The following ELAVL4 variants were observed in gnomAD, a reference collection of about 807,000 sequenced individuals.
ELAVL4 encodes the protein ELAV like RNA binding protein 4, also known as ELAV-like protein 4.
Under a neutral mutation model 35.6 loss-of-function variants are expected in ELAVL4, and 1 was observed. The observed-to-expected ratio is 0.03, with a 90% CI of 0.01 to 0.13. The LOEUF (loss-of-function observed/expected upper bound fraction) is 0.13, where lower values mean the gene tolerates loss of function less well. Among genes scored for constraint, ELAVL4 ranks in the 10% least tolerant of loss-of-function variants. The probability of loss-of-function intolerance (pLI) is 1.00; values close to 1 mark genes in which losing one functional copy is unlikely to be tolerated. For missense variants in ELAVL4, 267 were observed against 464.9 expected (o/e 0.57, Z 3.91); for synonymous variants, 156 against 171.0 (o/e 0.91, Z 0.69).
chr1:50,133,623 GAAAGAAAGAAAGAAAGAAA>G lies in ELAVL4; in HGVS notation c.10-11333_10-11315del, dbSNP rs538068845. 3.2e-4 allele frequency among the ~76,000 whole-genome samples: 47 copies of G among 148,370 alleles called. No homozygotes were observed. In the South Asian group the frequency reaches 7.3e-3, roughly 23 times the overall value. ...GAAAAGAAAGAAAGAAAGAAAGAAAGAAAGAAAGAAAGAAAGAAAGAAAGAAAGAGAAAGAAAGAAAGAA... is the reference window on the plus strand; with the variant it reads ...GAAAAGAAAGAAAGAAAGAAAGAAAGGAAAGAAAGAGAAAGAAAGAAAGAA... On this transcript the variant is annotated intron_variant, in intron 1 of 6. Coordinates refer to ENST00000371824, the MANE Select transcript of ELAVL4 (RefSeq NM_001144774.3).
At chr1:50,139,289 CA>C (rs1443914122) in intron 1 of ELAVL4, among the ~76,000 whole-genome samples, 1 of 152,148 alleles carries the variant, frequency 6.6e-6, no homozygotes, top group Admixed American at 6.5e-5. Context: ...CTGTAATAAA[CA>C]AAACAGATGT....
intron 2 of ELAVL4, among the ~76,000 whole-genome samples, chr1:50,151,741 C>T (rs929212348): frequency 2.6e-5 from 4 of 152,106 alleles, no homozygotes; most frequent in African/African-American, 9.7e-5. Context: ...CAGGCAGATT[C>T]GCATCTGTCA....
At chr1:50,083,798 G>A (rs1193607338) in intron 1 of ELAVL4, among the ~76,000 whole-genome samples, 1 of 152,186 alleles carries the variant, frequency 6.6e-6, no homozygotes. Flanking sequence ...ATTGTTTTAG[G>A]ACCACACTGG....
intron 3 of ELAVL4, chr1:50,181,096 A>G (rs909998176): frequency 6.6e-6 from 1 of 152,196 alleles, no homozygotes; most frequent in Non-Finnish European, 1.5e-5. Flanking sequence ...CCAGGATGAC[A>G]CAATTGATAA....
intron 1 of ELAVL4, among the ~76,000 whole-genome samples, chr1:50,069,753 C>A (rs1318182695): frequency 6.6e-6 from 1 of 152,236 alleles, no homozygotes; most frequent in African/African-American, 2.4e-5. Context: ...TACAAATTCT[C>A]TTATTAAGCC....
upstream of ELAVL4, among the ~76,000 whole-genome samples, chr1:50,107,509 A>G (rs1666434168): frequency 2.0e-5 from 3 of 152,284 alleles, no homozygotes; most frequent in Non-Finnish European, 4.4e-5. Context: ...TTAATCTTGA[A>G]AAATGTAAGG....
chr1:50,144,284 G>A (rs1307911044), intron 1 of ELAVL4, among the ~76,000 whole-genome samples: 2 of 151,982 alleles, frequency 1.3e-5, no homozygotes, highest in Non-Finnish European at 2.9e-5. Context: ...TGGACCTAAC[G>A]TGGAGACCTA....
intron 3 of ELAVL4, among the ~76,000 whole-genome samples, chr1:50,193,429 A>G (rs1305271369): frequency 6.6e-6 from 1 of 151,226 alleles, no homozygotes; most frequent in Non-Finnish European, 1.5e-5. Context: ...AATCATCTAT[A>G]CACCCACTTC....
chr1:50,116,524 T>A (rs1487053314), intron 1 of ELAVL4, among the ~76,000 whole-genome samples: 2 of 151,982 alleles, frequency 1.3e-5, no homozygotes, highest in African/African-American at 4.8e-5. Context: ...TTTCCTAAGC[T>A]GCCAGTCTAA....
At chr1:50,138,399 A>G (rs1236635835) in intron 1 of ELAVL4, among the ~76,000 whole-genome samples, 1 of 152,026 alleles carries the variant, frequency 6.6e-6, no homozygotes, top group African/African-American at 2.4e-5. Flanking sequence ...CTGAGGATAT[A>G]GGGCCAAAGC....
In ELAVL4 at chr1:50,109,016, C is replaced by CGGGGGGGCGG; in HGVS notation, c.-174_-173insGGGGGGGCGG. 10 of 905,566 alleles carry CGGGGGGGCGG rather than the reference C, an allele frequency of 1.1e-5. No homozygotes were observed. Among genetic ancestry groups the CGGGGGGGCGG allele is most frequent in the African/African-American group, 1.9e-5 (1 of 53,750 alleles). 56.1% of individuals were successfully genotyped at this position (905,566 alleles called of 1,614,324 possible). A position where few individuals can be genotyped will look rare whatever the true frequency, so the allele number is the denominator to read the frequency against. On this transcript the variant is annotated 5_prime_UTR_variant, in exon 1 of 7. Transcript: ENST00000371824. ...CTCCTTTTCTTTTTTTTCTTTCTCT[C>CGGGGGGGCGG]CCCCGCCCACCCCCCCAAAAATAAT...
chr1:50,123,772 G>A (rs144410690), intron 1 of ELAVL4, among the ~76,000 whole-genome samples: 54 of 151,998 alleles, frequency 3.6e-4, no homozygotes, highest in Non-Finnish European at 6.3e-4. Context: ...CAGATCCCTC[G>A]GTCTCCAACA....
At chr1:50,193,406 G>A (rs2148879348) in intron 3 of ELAVL4, among the ~76,000 whole-genome samples, 1 of 149,510 alleles carries the variant, frequency 6.7e-6, no homozygotes, top group East Asian at 2.0e-4. Context: ...ATTATTATGT[G>A]TTGGATACAG....
chr1:50,109,888 TTCCTTTCC>T, intron 1 of ELAVL4: 1 of 1,610,036 alleles, frequency 6.2e-7, no homozygotes, highest in Non-Finnish European at 8.5e-7. Context: ...TTACATAACG[TTCCTTTCC>T]GCTTTTGACA....
At chr1:50,080,973 CTT>C (rs1664982446) in intron 1 of ELAVL4, among the ~76,000 whole-genome samples, 1 of 152,280 alleles carries the variant, frequency 6.6e-6, no homozygotes, top group African/African-American at 2.4e-5. Flanking sequence ...AAAAGTGTGA[CTT>C]AATATATCTG....
At chr1:50,110,542 G>A (rs1480303530) in intron 1 of ELAVL4, among the ~76,000 whole-genome samples, 5 of 152,126 alleles carry the variant, frequency 3.3e-5, no homozygotes, top group South Asian at 2.1e-4. Flanking sequence ...CTTGAGTGCC[G>A]CTTCTGTCGC....
intron 1 of ELAVL4, among the ~76,000 whole-genome samples, chr1:50,136,804 G>A (rs1671959253): frequency 6.6e-6 from 1 of 152,134 alleles, no homozygotes; most frequent in South Asian, 2.1e-4. Flanking sequence ...CATGAATTGT[G>A]CAGTGAGGCT....
At chr1:50,110,103 A>ATG in intron 1 of ELAVL4, 2 of 1,123,066 alleles carry the variant, frequency 1.8e-6, no homozygotes, top group Non-Finnish European at 2.6e-6. Context: ...GTGTGTATGT[A>ATG]TGTGTGTGTT....
intron 2 of ELAVL4, among the ~76,000 whole-genome samples, chr1:50,160,032 C>G (rs1170480892): frequency 6.6e-6 from 1 of 152,134 alleles, no homozygotes; most frequent in African/African-American, 2.4e-5. Context: ...GAGTACTGAG[C>G]ACGTTCTGGG....
Sources: allele counts gnomAD v4.1 joint callset (sites outside exome capture counted in the v4.1 genomes callset), GRCh38; gene constraint gnomAD v4.1.1; transcripts MANE v1.5; gene names NCBI Gene and HGNC (gene_info 2026-07-23, HGNC 2026-07-21).